SLC27A5: variants seen among roughly 807,000 people sequenced by gnomAD.
SLC27A5 encodes the protein solute carrier family 27 member 5.
SLC27A5 carries 47 observed loss-of-function variants against 63.1 expected under a neutral mutation model. The ratio of observed to expected loss-of-function variants is 0.74; its 90% CI spans 0.59 to 0.95. SLC27A5 has a LOEUF of 0.95. Among genes scored for constraint, SLC27A5 ranks in the 40% least tolerant of loss-of-function variants. The pLI is 0.00. For missense variants in SLC27A5, 940 were observed against 921.0 expected, an observed-to-expected ratio of 1.02 and a Z score of -0.27; for synonymous variants, 391 against 403.8, an observed-to-expected ratio of 0.97 and a Z score of 0.38.
intron 2 of SLC27A5, 64 bp from the exon 3 acceptor site, chr19:58,510,069 G>T: frequency 6.6e-7 from 1 of 1,522,142 alleles, no homozygotes; most frequent in South Asian, 1.2e-5. Flanking sequence ...GGCCTGACCA[G>T]AGGGATAGAT....
chr19:58,498,982 G>A (rs559823637), intron 8 of SLC27A5, 67 bp from the exon 9 acceptor site: 80 of 1,590,808 alleles, frequency 5.0e-5, no homozygotes, highest in Non-Finnish European at 6.1e-5. Context: ...CTCCAGCCTC[G>A]CCCAGCTCTG....
intron 4 of SLC27A5, 125 bp from the exon 5 acceptor site, chr19:58,500,831 C>T: frequency 6.8e-7 from 1 of 1,474,386 alleles, no homozygotes; most frequent in Non-Finnish European, 9.0e-7. Flanking sequence ...GATGGGGGAC[C>T]TCTACCTAAG....
At chr19:58,510,681 G>C (rs376661446) in intron 2 of SLC27A5, 40 bp downstream of exon 2, 3 of 1,519,850 alleles carry the variant, frequency 2.0e-6, no homozygotes, top group Non-Finnish European at 2.7e-6. Context: ...GTCAGCCTGA[G>C]AGTTCAGAGG....
chr19:58,503,204 T>TAA (rs35752989), intron 3 of SLC27A5, among the ~76,000 whole-genome samples: 16 of 127,404 alleles, frequency 1.3e-4, no homozygotes, highest in Admixed American at 1.0e-3. Context: ...GACTCTGTCT[T>TAA]AAAAAAAAAA....
chr19:58,503,687 C>G (rs1484499738), intron 3 of SLC27A5, among the ~76,000 whole-genome samples: 1 of 151,664 alleles, frequency 6.6e-6, no homozygotes, highest in African/African-American at 2.4e-5. Context: ...AAAACTGAAT[C>G]TAACAACACC....
At chr19:58,500,315 G>C in intron 6 of SLC27A5, 24 bp downstream of exon 6, 1 of 1,603,644 alleles carries the variant, frequency 6.2e-7, no homozygotes, top group Non-Finnish European at 8.5e-7. Flanking sequence ...CTGCCACCCA[G>C]GAAAGGCTCC....
At position 58,511,467 on chromosome 19, in the gene SLC27A5, C is replaced by T. The variant is rs2053410462; in HGVS notation, c.489G>A (p.Leu163=). The T allele has an allele frequency of 6.3e-7, 1 of 1,588,044 alleles. No individual in the cohort carries two copies. Among genetic ancestry groups the T allele is most frequent in the East Asian group, 2.3e-5 (1 of 43,566 alleles). ...CQAAWALKAE[L]GDPASLCAGE... Reference sequence around the variant, plus strand: ...CGGCACACAGGCTCGCAGGGTCACCCAGCTCAGCCTTCAGGGCCCATGCCG... The same window carrying T: ...CGGCACACAGGCTCGCAGGGTCACCTAGCTCAGCCTTCAGGGCCCATGCCG... Residue 163 remains leucine, a synonymous_variant, in exon 1 of 10, where the codon CTG becomes CTA. Coordinates refer to ENST00000263093, the MANE Select transcript of SLC27A5 (RefSeq NM_012254.3).
At position 58,498,547 on chromosome 19, in the gene SLC27A5, G is replaced by A. The variant is rs537250181; in HGVS notation, c.2041C>T (p.Gln681Ter). ...SFRPLTAEMY[Q>*]AVCEGTWRL ...CTCCAGGTTCCCTCACACACAGCCT[G>A]GTACATTTCTGCCGTCAGGGGCCGG... is the stretch of plus-strand genomic sequence containing the variant. The change falls in exon 10 of 10, where the codon CAG becomes TAG. Residue 681 changes from glutamine (Q) to a stop codon, truncating the protein, a stop_gained. Coordinates refer to ENST00000263093, the MANE Select transcript of SLC27A5 (RefSeq NM_012254.3). LOFTEE classifies it high-confidence loss of function. 12 of 1,613,910 alleles carry A rather than the reference G, an allele frequency of 7.4e-6. No homozygotes were observed. The highest frequency in any genetic ancestry group is 2.2e-5 in the East Asian group (1 of 44,876).
At chr19:58,507,679 C>A (rs1054213634) in intron 3 of SLC27A5, 2 of 152,056 alleles carry the variant, frequency 1.3e-5, no homozygotes, top group African/African-American at 2.4e-5. Context: ...AGTGGACGTG[C>A]AAGTAGGAGA....
intron 3 of SLC27A5, among the ~76,000 whole-genome samples, chr19:58,505,734 G>C (rs2053337807): frequency 1.3e-5 from 2 of 151,334 alleles, no homozygotes; most frequent in Admixed American, 1.3e-4. Context: ...TGTAATCCCA[G>C]CTACTTGGGA....
intron 8 of SLC27A5, 28 bp from the exon 9 acceptor site, chr19:58,498,943 T>C: frequency 6.2e-7 from 1 of 1,603,558 alleles, no homozygotes; most frequent in Non-Finnish European, 8.5e-7. Context: ...CACTCTCGGC[T>C]GACCCATCTC....
At chr19:58,502,900 CAGGGGGGTAGAAAG>C (rs763317045) in intron 3 of SLC27A5, among the ~76,000 whole-genome samples, 53 of 152,006 alleles carry the variant, frequency 3.5e-4, no homozygotes, top group Non-Finnish European at 6.0e-4. Context: ...CATGCAGAGG[CAGGGGGGTAGAAAG>C]ATGGATAGGT....
Position 58,511,948 on chromosome 19 carries a change from A to G in SLC27A5, c.8T>C (p.Val3Ala). 1 of 1,537,820 alleles carries G rather than the reference A, an allele frequency of 6.5e-7. No individual in the cohort carries two copies. Among genetic ancestry groups the G allele is most frequent in the Admixed American group, 2.0e-5 (1 of 50,840 alleles). The change falls in exon 1 of 10, where the codon GTC (valine) becomes GCC (alanine). Residue 3 changes from valine to alanine, a missense_variant. Transcript: ENST00000263093. MG[V>A]RQQLALLLLL... ...CAGCAGCAAGGCCAACTGTTGCCTG[A>G]CACCCATGGTACCAGCTCCTCCCTA... is the stretch of plus-strand genomic sequence containing the variant.
rs574263899 is a variant in SLC27A5 at position 58,499,301 on chromosome 19, G to A, written c.1668-81C>T. ...CTCTTGCCCCCGCCCCGCCCCTTTT[G>A]GGGATCAGGAGGCCCAGTCAGCCCC... On this transcript the variant is annotated intron_variant, in intron 7 of 9. Transcript: ENST00000263093. 9.6e-4 allele frequency: 1,206 copies of A among 1,251,474 alleles called. 7 individuals are homozygous for A. In the African/African-American group the frequency reaches 0.017, roughly 17 times the overall value. The allele number at this position is 1,251,474 out of a possible 1,614,324, so 77.5% of individuals were successfully genotyped here.
chr19:58,506,810 T>C (rs1197437115), intron 3 of SLC27A5, among the ~76,000 whole-genome samples: 2 of 151,956 alleles, frequency 1.3e-5, no homozygotes, highest in African/African-American at 4.8e-5. Flanking sequence ...GGTTTTACCA[T>C]GTTGGCCAGG....
In SLC27A5 at chr19:58,511,605, T is replaced by C; in HGVS notation, c.351A>G (p.Val117=). 1 of 1,593,256 alleles carries C rather than the reference T, an allele frequency of 6.3e-7. No homozygotes were observed. Among genetic ancestry groups the C allele is most frequent in the Non-Finnish European group, 8.6e-7 (1 of 1,168,330 alleles). The part of the protein sequence containing the change: ...CLSRQPPDTF[V]DAFERRARAQ... ...CTCGTGCTCGCCGCTCGAAGGCATC[T>C]ACAAAGGTGTCAGGCGGCTGCCGGC... Residue 117 remains valine, a synonymous_variant, in exon 1 of 10, where the codon GTA becomes GTG. Coordinates refer to ENST00000263093, the MANE Select transcript of SLC27A5 (RefSeq NM_012254.3).
intron 3 of SLC27A5, among the ~76,000 whole-genome samples, chr19:58,506,912 T>G (rs1053843220): frequency 2.0e-5 from 3 of 151,242 alleles, no homozygotes; most frequent in African/African-American, 7.3e-5. Flanking sequence ...ACTGGCTAAT[T>G]TTTGTATTTT....
At chr19:58,511,047 T>C (rs2053405114) in intron 1 of SLC27A5, 117 bp from the exon 2 acceptor site, 2 of 996,954 alleles carry the variant, frequency 2.0e-6, no homozygotes, top group Admixed American at 3.0e-5. Flanking sequence ...AGCATCCATG[T>C]TGTTTGGTAA....
chr19:58,501,789 T>C (rs911485391), intron 3 of SLC27A5, among the ~76,000 whole-genome samples: 1 of 152,236 alleles, frequency 6.6e-6, no homozygotes, highest in African/African-American at 2.4e-5. Flanking sequence ...TTCTCCTGCC[T>C]CAGCTTTCTG....
Sources: gnomAD v4.1 joint callset for allele counts (sites outside exome capture counted in the v4.1 genomes callset) on GRCh38, gnomAD v4.1.1 for gene constraint, MANE v1.5 for transcripts, NCBI Gene and HGNC (gene_info 2026-07-23, HGNC 2026-07-21) for gene names.